Variants in PCDH7 observed in about 807,000 individuals in gnomAD.
PCDH7 encodes the protein protocadherin-7.
A neutral mutation model predicts 58.9 loss-of-function variants in PCDH7; 17 were observed. The ratio of observed to expected loss-of-function variants is 0.29; its 90% confidence interval spans 0.20 to 0.43. The LOEUF is 0.43. Ranked by LOEUF, PCDH7 falls within the 20% of genes least tolerant of loss-of-function variation. The pLI, the probability that PCDH7 is intolerant of heterozygous loss-of-function variation, is 1.00. For synonymous variants in PCDH7, 664 were observed against 616.4 expected, an observed-to-expected ratio of 1.08 and a Z score of -1.14; for missense variants, 1,274 against 1,441.0, an observed-to-expected ratio of 0.88 and a Z score of 1.88.
At chr4:30,981,652 A>C in intron 3 of PCDH7, among the ~76,000 whole-genome samples, 1 of 152,354 alleles carries the variant, frequency 6.6e-6, no homozygotes, top group East Asian at 1.9e-4. Flanking sequence ...AATAGAATAT[A>C]TCAGTTTAGG....
chr4:30,741,530 T>A (rs1268143186), intron 1 of PCDH7, among the ~76,000 whole-genome samples: 1 of 152,190 alleles, frequency 6.6e-6, no homozygotes, highest in African/African-American at 2.4e-5. Context: ...CATTGCATTT[T>A]TTCCTAGGAA....
At chr4:30,978,696 C>T (rs1371740929) in intron 3 of PCDH7, among the ~76,000 whole-genome samples, 1 of 152,206 alleles carries the variant, frequency 6.6e-6, no homozygotes, top group African/African-American at 2.4e-5. Flanking sequence ...CAATATTTGG[C>T]ATTCAATAAG....
At chr4:30,747,398 T>TA (rs1434448267) in intron 1 of PCDH7, among the ~76,000 whole-genome samples, 1 of 152,238 alleles carries the variant, frequency 6.6e-6, no homozygotes, top group Non-Finnish European at 1.5e-5. Context: ...AAATGGCTCT[T>TA]ACGGTCAAAA....
chr4:30,782,511 G>C (rs535614565), intron 1 of PCDH7, among the ~76,000 whole-genome samples: 1 of 152,300 alleles, frequency 6.6e-6, no homozygotes, highest in African/African-American at 2.4e-5. Context: ...CATTGTAGGA[G>C]AGAAAAGATT....
chr4:30,970,559 C>G (rs1460234119), intron 3 of PCDH7, among the ~76,000 whole-genome samples: 1 of 152,160 alleles, frequency 6.6e-6, no homozygotes, highest in Non-Finnish European at 1.5e-5. Flanking sequence ...TCCCAAAGTG[C>G]TGGGATTAAA....
chr4:31,073,496 G>A (rs887551695), intron 3 of PCDH7, among the ~76,000 whole-genome samples: 14 of 152,068 alleles, frequency 9.2e-5, no homozygotes, highest in Non-Finnish European at 2.9e-5. Context: ...AAGGAAAACA[G>A]AATAATTAAA....
intron 3 of PCDH7, among the ~76,000 whole-genome samples, chr4:31,049,232 G>A (rs1578655683): frequency 6.6e-6 from 1 of 151,948 alleles, no homozygotes. Context: ...TCCCACCTAC[G>A]AGTGAGAACA....
intron 3 of PCDH7, among the ~76,000 whole-genome samples, chr4:30,959,974 C>T (rs1297628661): frequency 2.0e-5 from 3 of 151,896 alleles, no homozygotes; most frequent in Non-Finnish European, 4.4e-5. Flanking sequence ...GATAGTCTAA[C>T]CACTCTGTAT....
chr4:31,098,203 A>G (rs1714415798), intron 3 of PCDH7, among the ~76,000 whole-genome samples: 2 of 152,162 alleles, frequency 1.3e-5, no homozygotes, highest in African/African-American at 4.8e-5. Flanking sequence ...ACTAGTTAAA[A>G]TGTTCCCATT....
chr4:31,003,953 G>A (rs1392945458), intron 3 of PCDH7, among the ~76,000 whole-genome samples: 1 of 151,912 alleles, frequency 6.6e-6, no homozygotes, highest in Non-Finnish European at 1.5e-5. Context: ...CTTTTCTTTT[G>A]TACAGACCTG....
At chr4:31,048,142 G>C (rs1394873363) in intron 3 of PCDH7, among the ~76,000 whole-genome samples, 1 of 151,820 alleles carries the variant, frequency 6.6e-6, no homozygotes, top group Non-Finnish European at 1.5e-5. Flanking sequence ...GATTGGTACA[G>C]TAAATATTTT....
chr4:31,085,733 A>G (rs1712324778), intron 3 of PCDH7, among the ~76,000 whole-genome samples: 1 of 152,164 alleles, frequency 6.6e-6, no homozygotes, highest in African/African-American at 2.4e-5. Flanking sequence ...CTAATATGGC[A>G]ATTGATTAAC....
At chr4:30,845,106 T>C (rs1010598252) in intron 1 of PCDH7, among the ~76,000 whole-genome samples, 11 of 152,200 alleles carry the variant, frequency 7.2e-5, no homozygotes, top group African/African-American at 2.7e-4. Context: ...GTGATTTCCT[T>C]TGGAGCAGTA....
At chr4:30,800,733 G>A (rs1033160429) in intron 1 of PCDH7, among the ~76,000 whole-genome samples, 4 of 152,170 alleles carry the variant, frequency 2.6e-5, no homozygotes, top group Admixed American at 6.5e-5. Flanking sequence ...AAAGTCAAGA[G>A]GTATCAAAGT....
chr4:31,005,642 C>T (rs933368240), intron 3 of PCDH7, among the ~76,000 whole-genome samples: 2 of 152,034 alleles, frequency 1.3e-5, no homozygotes, highest in Non-Finnish European at 2.9e-5. Context: ...TGTTGAGAAT[C>T]GGATGAAAGA....
chr4:30,974,185 TTTCTCTTTCTCTTTCCCTCC>T, intron 3 of PCDH7, among the ~76,000 whole-genome samples: 1 of 151,326 alleles, frequency 6.6e-6, no homozygotes, highest in Non-Finnish European at 1.5e-5. Flanking sequence ...TCTTTCTTTC[TTTCTCTTTCTCTTTCCCTCC>T]CTTTCTTTCT....
At chr4:30,978,504 A>G (rs1750272141) in intron 3 of PCDH7, among the ~76,000 whole-genome samples, 1 of 152,094 alleles carries the variant, frequency 6.6e-6, no homozygotes, top group African/African-American at 2.4e-5. Flanking sequence ...AAGTGCTGTG[A>G]TTTGGTGAGA....
chr4:31,013,325 CAT>C (rs1424765020), intron 3 of PCDH7, among the ~76,000 whole-genome samples: 3 of 151,722 alleles, frequency 2.0e-5, no homozygotes, highest in South Asian at 2.1e-4. Flanking sequence ...CACACACACA[CAT>C]ACACACATAC....
chr4:30,931,981 A>C (rs953115173), intron 2 of PCDH7, among the ~76,000 whole-genome samples: 6 of 152,074 alleles, frequency 3.9e-5, no homozygotes, highest in South Asian at 2.1e-4. Context: ...TATACTATGC[A>C]ATTATTTGAC....
Sources: gnomAD v4.1 joint callset for allele counts (sites outside exome capture counted in the v4.1 genomes callset) on GRCh38, gnomAD v4.1.1 for gene constraint, MANE v1.5 for transcripts, NCBI Gene and HGNC (gene_info 2026-07-23, HGNC 2026-07-21) for gene names.